RGS7: variants seen among roughly 807,000 people sequenced by gnomAD.
RGS7 encodes regulator of G-protein signaling 7.
RGS7 carries 27 observed loss-of-function variants against 81.1 expected under a neutral mutation model. The observed-to-expected ratio is 0.33, with a 90% confidence interval of 0.25 to 0.46. RGS7 has a LOEUF of 0.46. Ranked by LOEUF, RGS7 falls within the 20% of genes least tolerant of loss-of-function variation. The pLI is 1.00. For synonymous variants in RGS7, 208 were observed against 207.7 expected (o/e 1.00, Z -0.01); for missense variants, 396 against 607.4 (o/e 0.65, Z 3.66).
intron 2 of RGS7, among the ~76,000 whole-genome samples, chr1:241,335,100 G>A (rs373839760): frequency 6.6e-6 from 1 of 152,218 alleles, no homozygotes; most frequent in African/African-American, 2.4e-5. Flanking sequence ...GATCCCACTT[G>A]TAAAGGGGAG....
chr1:241,200,462 T>C (rs2073418128), intron 2 of RGS7, among the ~76,000 whole-genome samples: 1 of 152,108 alleles, frequency 6.6e-6, no homozygotes, highest in African/African-American at 2.4e-5. Context: ...GACAAAGAGG[T>C]TGACAAACTC....
At position 240,811,961 on chromosome 1, in the gene RGS7, A is replaced by T; in HGVS notation, c.1039T>A (p.Phe347Ile). 1 of 1,613,754 alleles carries T rather than the reference A, an allele frequency of 6.2e-7. No homozygotes were observed. The highest frequency in any genetic ancestry group is 8.5e-7 in the Non-Finnish European group (1 of 1,179,634). Residue 347 changes from phenylalanine to isoleucine, a missense_variant, in exon 14 of 19, where the codon TTC becomes ATC. Coordinates refer to ENST00000440928, the MANE Select transcript of RGS7 (RefSeq NM_001364886.1). ...ALKDPVGREQ[F>I]LKFLESEFSS... is the part of the protein sequence containing the mutation. ...AATTCTGACTCTAGAAATTTAAGGA[A>T]CTGTTCTCTCCCAACTGGGTCTTTC...
chr1:240,895,058 G>A (rs1668828487), intron 6 of RGS7, among the ~76,000 whole-genome samples: 4 of 152,038 alleles, frequency 2.6e-5, no homozygotes, highest in Non-Finnish European at 5.9e-5. Flanking sequence ...GAGTTCTCGT[G>A]AGATCTGGTC....
At chr1:241,142,864 A>G (rs1402545874) in intron 2 of RGS7, among the ~76,000 whole-genome samples, 2 of 152,174 alleles carry the variant, frequency 1.3e-5, no homozygotes, top group Non-Finnish European at 1.5e-5. Context: ...CCAAACTTTT[A>G]TGCTCTACTT....
chr1:240,792,345 C>T (rs1686142264), intron 18 of RGS7, among the ~76,000 whole-genome samples: 1 of 152,186 alleles, frequency 6.6e-6, no homozygotes, highest in Non-Finnish European at 1.5e-5. Context: ...ACAGTAGCTG[C>T]TGATGCTGCA....
At chr1:240,923,274 C>T (rs1235281571) in intron 6 of RGS7, among the ~76,000 whole-genome samples, 3 of 151,794 alleles carry the variant, frequency 2.0e-5, no homozygotes, top group African/African-American at 4.8e-5. Flanking sequence ...TTCTGAAAAC[C>T]CACAGAATGT....
chr1:241,174,454 T>C (rs2070956141), intron 2 of RGS7, among the ~76,000 whole-genome samples: 1 of 152,216 alleles, frequency 6.6e-6, no homozygotes, highest in Admixed American at 6.5e-5. Context: ...AGAATGAGAA[T>C]GAGGAGGCAC....
intron 6 of RGS7, among the ~76,000 whole-genome samples, chr1:240,911,440 A>G (rs1037422114): frequency 6.6e-6 from 1 of 152,064 alleles, no homozygotes; most frequent in African/African-American, 2.4e-5. Context: ...CTAGGTTCCA[A>G]CTTGGGCCCT....
chr1:240,925,051 G>C (rs1674198717), intron 6 of RGS7, among the ~76,000 whole-genome samples: 1 of 152,074 alleles, frequency 6.6e-6, no homozygotes, highest in Non-Finnish European at 1.5e-5. Context: ...TTGGATATTA[G>C]AGATTCAACC....
chr1:240,782,182 A>G (rs1684234104), intron 18 of RGS7, among the ~76,000 whole-genome samples: 1 of 152,204 alleles, frequency 6.6e-6, no homozygotes, highest in Non-Finnish European at 1.5e-5. Context: ...GCCCTACTCT[A>G]GTGCACAAAG....
intron 3 of RGS7, among the ~76,000 whole-genome samples, chr1:241,001,428 T>C (rs1026758224): frequency 6.6e-6 from 1 of 152,128 alleles, no homozygotes; most frequent in Non-Finnish European, 1.5e-5. Context: ...AGTAAAATAG[T>C]AAGGCTTTCT....
At chr1:241,044,103 GTTTTTTTTGTTT>G (rs1480675953) in intron 3 of RGS7, among the ~76,000 whole-genome samples, 3 of 140,890 alleles carry the variant, frequency 2.1e-5, no homozygotes, top group Admixed American at 1.4e-4. Context: ...CTTTCTTTTT[GTTTTTTTTGTTT>G]TTTTTTTTTT....
chr1:241,133,182 T>G (rs1031190200), intron 2 of RGS7, among the ~76,000 whole-genome samples: 1 of 152,084 alleles, frequency 6.6e-6, no homozygotes, highest in Non-Finnish European at 1.5e-5. Context: ...TTATTTACAT[T>G]TATAAAGAAT....
At chr1:241,028,855 A>G (rs1156475050) in intron 3 of RGS7, among the ~76,000 whole-genome samples, 1 of 152,212 alleles carries the variant, frequency 6.6e-6, no homozygotes, top group African/African-American at 2.4e-5. Context: ...CGATGCGACG[A>G]TGACTACCAA....
chr1:240,944,946 C>T (rs1287914243), intron 4 of RGS7, among the ~76,000 whole-genome samples: 1 of 152,244 alleles, frequency 6.6e-6, no homozygotes, highest in African/African-American at 2.4e-5. Flanking sequence ...CTCTTGACCT[C>T]GTGATCTGCC....
In RGS7 at chr1:240,787,622, GTATGATCTACA is replaced by G. The variant is rs1558250015; in HGVS notation, c.*7-11420_*7-11410del. Among the ~76,000 whole-genome samples the G allele has an allele frequency of 2.0e-5, 3 of 152,256 alleles. No individual in the cohort carries two copies. In the East Asian group the frequency reaches 5.8e-4, roughly 29 times the overall value. On this transcript the variant is annotated intron_variant, in intron 18 of 18. Coordinates refer to ENST00000440928, the MANE Select transcript of RGS7 (RefSeq NM_001364886.1). The stretch of plus-strand genomic sequence containing the variant: ...CTGATGAAATTCTGATAAAATGTAT[GTATGATCTACA>G]TATGATAACCTTGGTTTAAAGACTG...
chr1:241,325,369 A>G (rs1223390022), intron 2 of RGS7, among the ~76,000 whole-genome samples: 1 of 152,238 alleles, frequency 6.6e-6, no homozygotes, highest in Non-Finnish European at 1.5e-5. Context: ...CTCATAGGCC[A>G]GGTACTATTT....
chr1:240,930,725 G>A lies in RGS7; in HGVS notation c.377C>T (p.Thr126Ile). 1 of 1,613,708 alleles carries A rather than the reference G, an allele frequency of 6.2e-7. No individual in the cohort carries two copies. Among genetic ancestry groups the A allele is most frequent in the East Asian group, 2.2e-5 (1 of 44,860 alleles). Residue 126 changes from threonine to isoleucine, a missense_variant, in exon 6 of 19, where the codon ACA becomes ATA. Transcript: ENST00000440928. ...TGAGAGATGGCACTGACCATAATCT[G>A]TGTTTTCCGGCTCCCAACAATTTGA... ...WPSNCWEPEN[T>I]DYAVYLCKRT... is the part of the protein sequence containing the mutation.
rs369155474 is a variant in RGS7 at position 240,955,551 on chromosome 1, CAAAAAAAAAAAA to C, written c.227-18857_227-18846del. On this transcript the variant is annotated intron_variant, in intron 4 of 18. Transcript: ENST00000440928. ...TGGGCGGCAGAGCAAGACTCTGTCT[CAAAAAAAAAAAA>C]AAAAAAAAAAAAAAAAAAAACCGAT... Among the ~76,000 whole-genome samples the C allele has an allele frequency of 3.2e-3, 447 of 140,210 alleles. 1 individual carries two copies. The highest frequency in any genetic ancestry group is 0.012 in the African/African-American group (426 of 36,744). 92.0% of individuals were successfully genotyped at this position (140,210 alleles called of 152,430 possible).
Sources: allele counts gnomAD v4.1 joint callset (sites outside exome capture counted in the v4.1 genomes callset), GRCh38; gene constraint gnomAD v4.1.1; transcripts MANE v1.5; gene names NCBI Gene and HGNC (gene_info 2026-07-23, HGNC 2026-07-21).